THSD7A: variants seen among roughly 807,000 people sequenced by gnomAD.
THSD7A encodes the protein thrombospondin type 1 domain containing 7A, also known as thrombospondin type-1 domain-containing protein 7A.
In THSD7A, 96 loss-of-function variants were observed where a neutral mutation model predicts 231.3. That is an observed-to-expected ratio of 0.41 (90% CI 0.35 to 0.49). The LOEUF is 0.49. Among genes scored for constraint, THSD7A ranks in the 20% least tolerant of loss-of-function variants. The pLI, the probability that THSD7A is intolerant of heterozygous loss-of-function variation, is 0.05. For missense variants in THSD7A, 2,290 were observed against 2,070.2 expected (o/e 1.11, Z -2.06); for synonymous variants, 940 against 743.3 (o/e 1.26, Z -4.30).
chr7:11,401,651 A>T (rs2115357126), intron 23 of THSD7A, 144 bp downstream of exon 23: 1 of 662,386 alleles, frequency 1.5e-6, no homozygotes, highest in East Asian at 3.3e-5. Context: ...GCCTCAGGTG[A>T]TCCGCCCACC....
intron 1 of THSD7A, among the ~76,000 whole-genome samples, chr7:11,816,147 A>T (rs751155243): frequency 4.6e-5 from 7 of 152,192 alleles, no homozygotes; most frequent in Non-Finnish European, 2.9e-5. Flanking sequence ...TAGTTTATTT[A>T]CACAGGATAG....
intron 1 of THSD7A, among the ~76,000 whole-genome samples, chr7:11,800,305 T>G (rs902773492): frequency 6.6e-6 from 1 of 152,182 alleles, no homozygotes; most frequent in Non-Finnish European, 1.5e-5. Flanking sequence ...TCCCAGCACT[T>G]TTGGAGGCCG....
At chr7:11,643,164 A>T (rs1220062450) in intron 1 of THSD7A, among the ~76,000 whole-genome samples, 1 of 152,084 alleles carries the variant, frequency 6.6e-6, no homozygotes, top group Admixed American at 6.6e-5. Flanking sequence ...TGCATCCTTC[A>T]CATGAGATAG....
chr7:11,480,155 AAACT>A (rs1786364295), intron 7 of THSD7A, among the ~76,000 whole-genome samples: 1 of 152,206 alleles, frequency 6.6e-6, no homozygotes, highest in South Asian at 2.1e-4. Flanking sequence ...TGCAACCACT[AAACT>A]TAATTAAAAA....
chr7:11,620,123 C>T (rs772521020), intron 2 of THSD7A, among the ~76,000 whole-genome samples: 1 of 152,176 alleles, frequency 6.6e-6, no homozygotes, highest in African/African-American at 2.4e-5. Flanking sequence ...TTTATTCTTA[C>T]TTCACATCTT....
chr7:11,698,580 T>G (rs1043206924), intron 1 of THSD7A, among the ~76,000 whole-genome samples: 1 of 151,432 alleles, frequency 6.6e-6, no homozygotes, highest in Non-Finnish European at 1.5e-5. Flanking sequence ...GAAGAAAGAC[T>G]GCAAATTATT....
intron 1 of THSD7A, among the ~76,000 whole-genome samples, chr7:11,775,208 A>G (rs1583280285): frequency 6.6e-6 from 1 of 152,238 alleles, no homozygotes; most frequent in East Asian, 1.9e-4. Context: ...AAGTGTTAAT[A>G]AGGATGTGAG....
chr7:11,571,136 G>A (rs987055505), intron 4 of THSD7A, among the ~76,000 whole-genome samples: 1 of 152,086 alleles, frequency 6.6e-6, no homozygotes, highest in African/African-American at 2.4e-5. Context: ...TACATTAGCT[G>A]GCACCAAACA....
rs1364992366 is a variant in THSD7A, at chr7:11,375,677, C to T, written c.*117G>A. The T allele has an allele frequency of 1.2e-6, 1 of 824,550 alleles. No individual in the cohort carries two copies. Among genetic ancestry groups the T allele is most frequent in the Non-Finnish European group, 1.9e-6 (1 of 522,926 alleles). The allele number at this position is 824,550 out of a possible 1,614,324, so 51.1% of individuals were successfully genotyped here. On this transcript the variant is annotated 3_prime_UTR_variant, in exon 28 of 28. Coordinates refer to ENST00000423059, the MANE Select transcript of THSD7A (RefSeq NM_015204.3). ...ATTTTCACTCTTGTCTTTATGATGC[C>T]ATTTTTAAAAATTAAAATATATTTT... is the stretch of plus-strand genomic sequence containing the variant.
chr7:11,681,520 A>G (rs1783869517), intron 1 of THSD7A, among the ~76,000 whole-genome samples: 2 of 152,202 alleles, frequency 1.3e-5, no homozygotes, highest in South Asian at 4.1e-4. Context: ...GAGCCTGAAG[A>G]TCAGTCCTAT....
At chr7:11,459,969 T>G (rs1785444361) in intron 11 of THSD7A, among the ~76,000 whole-genome samples, 1 of 152,120 alleles carries the variant, frequency 6.6e-6, no homozygotes. Flanking sequence ...AATAATCATG[T>G]GCTCTTTAAA....
intron 1 of THSD7A, among the ~76,000 whole-genome samples, chr7:11,797,958 A>G (rs1032474188): frequency 6.6e-6 from 1 of 152,296 alleles, no homozygotes; most frequent in African/African-American, 2.4e-5. Flanking sequence ...AACTTGTCAG[A>G]GAAAATTTCT....
rs557572034 is a variant in THSD7A at position 11,560,781 on chromosome 7, G to A, written c.1454-17664C>T. 2.5e-4 allele frequency among the ~76,000 whole-genome samples: 36 copies of A among 145,960 alleles called. No homozygotes were observed. In the South Asian group the frequency reaches 5.1e-3, roughly 21 times the overall value. Reference sequence around the variant, plus strand: ...TAACAAACCCAACTTGCTCAACTACGGGTGTGTTCCTGGTGGTTTGTGGCT... The same window carrying A: ...TAACAAACCCAACTTGCTCAACTACAGGTGTGTTCCTGGTGGTTTGTGGCT... On this transcript the variant is annotated intron_variant, in intron 4 of 27. Coordinates refer to ENST00000423059, the MANE Select transcript of THSD7A (RefSeq NM_015204.3).
chr7:11,606,272 T>C (rs1427366013), intron 2 of THSD7A, among the ~76,000 whole-genome samples: 5 of 152,126 alleles, frequency 3.3e-5, no homozygotes, highest in East Asian at 1.9e-4. Context: ...AGCTACATAA[T>C]AGACATGCAC....
intron 1 of THSD7A, among the ~76,000 whole-genome samples, chr7:11,732,358 C>T (rs956330075): frequency 6.6e-6 from 1 of 151,674 alleles, no homozygotes; most frequent in African/African-American, 2.4e-5. Context: ...TGATGAAAAC[C>T]AAGTTCAGTC....
chr7:11,716,869 A>G (rs10499412), intron 1 of THSD7A, among the ~76,000 whole-genome samples: 79,871 of 151,344 alleles, frequency 0.53, 21,424 homozygotes, highest in South Asian at 0.73. Flanking sequence ...TAATACAAAC[A>G]TAAGACAATT....
chr7:11,411,315 A>T lies in THSD7A; in HGVS notation c.3690T>A (p.Ser1230Arg). The T allele has an allele frequency of 6.2e-7, 1 of 1,611,670 alleles. No individual in the cohort carries two copies. Among genetic ancestry groups the T allele is most frequent in the Non-Finnish European group, 8.5e-7 (1 of 1,178,544 alleles). Residue 1230 changes from serine to arginine, a missense_variant, in exon 19 of 28, where the codon AGT becomes AGA. Transcript: ENST00000423059. This position sits in a 1 kb window ranked among gnomAD's most constrained non-coding sequence, Gnocchi z 4.1. The part of the protein sequence containing the change: ...YHYDYNVTDW[S>R]TCQLSEKAVC... ...CTGCCTTCTCACTCAGCTGACATGT[A>T]CTCCAGTCTGAAAAAAAGGGAAGCC...
chr7:11,687,687 A>G (rs1780101117), intron 1 of THSD7A, among the ~76,000 whole-genome samples: 2 of 151,838 alleles, frequency 1.3e-5, no homozygotes, highest in Admixed American at 1.3e-4. Flanking sequence ...TATTTTGACA[A>G]ACAAAGAAAA....
intron 4 of THSD7A, among the ~76,000 whole-genome samples, chr7:11,571,580 T>A (rs115258007): frequency 0.034 from 5,227 of 152,316 alleles, 320 homozygotes; most frequent in African/African-American, 0.12. Context: ...ATGGCTCAGG[T>A]AATCTATCTC....
Sources: allele counts gnomAD v4.1 joint callset (sites outside exome capture counted in the v4.1 genomes callset), GRCh38; gene constraint gnomAD v4.1.1; non-coding constraint Gnocchi (gnomAD v3.1); transcripts MANE v1.5; gene names NCBI Gene and HGNC (gene_info 2026-07-23, HGNC 2026-07-21).